The following BCAS3 variants were observed in gnomAD, a reference collection of about 807,000 sequenced individuals.
The protein encoded by BCAS3 is BCAS3 microtubule associated cell migration factor.
Under a neutral mutation model 116.1 loss-of-function variants are expected in BCAS3, and 53 were observed. That is an observed-to-expected ratio of 0.46 (90% CI 0.37 to 0.57). The LOEUF is 0.57. Ranked by LOEUF, BCAS3 falls within the 20% of genes least tolerant of loss-of-function variation. The pLI is 0.00. For synonymous variants in BCAS3, 391 were observed against 408.2 expected (o/e 0.96, Z 0.51); for missense variants, 917 against 1,165.4 (o/e 0.79, Z 3.10).
At chr17:61,173,170 C>G (rs1470924914) in intron 22 of BCAS3, among the ~76,000 whole-genome samples, 1 of 151,942 alleles carries the variant, frequency 6.6e-6, no homozygotes, top group Non-Finnish European at 1.5e-5. Flanking sequence ...TGTTTTGAGG[C>G]TGGGCACGGT....
chr17:61,040,076 T>G (rs1379902362), intron 18 of BCAS3, among the ~76,000 whole-genome samples: 1 of 152,226 alleles, frequency 6.6e-6, no homozygotes, highest in Non-Finnish European at 1.5e-5. Flanking sequence ...TTTAATATAG[T>G]TCATTGTCCA....
In BCAS3 at chr17:61,214,186, G is replaced by A. The variant is rs904817233; in HGVS notation, c.2425+129622G>A. Among the ~76,000 whole-genome samples the A allele has an allele frequency of 1.3e-5, 2 of 151,880 alleles. No homozygotes were observed. The highest frequency in any genetic ancestry group is 2.1e-4 in the South Asian group (1 of 4,816). ...TCAAGACCAGCCTGTCCAACATGGC[G>A]AAACCCCATCTCTATTAAAAAATAC... On this transcript the variant is annotated intron_variant, in intron 22 of 23. Transcript: ENST00000407086. This position sits in a 1 kb window ranked among gnomAD's most constrained non-coding sequence, Gnocchi z 4.4.
chr17:61,373,322 T>A (rs879454793), intron 23 of BCAS3, among the ~76,000 whole-genome samples: 4 of 152,136 alleles, frequency 2.6e-5, no homozygotes, highest in Non-Finnish European at 4.4e-5. Context: ...ACTCCTGGCC[T>A]GAAGTGATCT....
chr17:60,873,597 TA>T (rs1454066999), intron 8 of BCAS3, among the ~76,000 whole-genome samples: 3 of 152,164 alleles, frequency 2.0e-5, no homozygotes, highest in African/African-American at 7.2e-5. Context: ...AATTTTGCTT[TA>T]AAAAAGTGTT....
intron 22 of BCAS3, among the ~76,000 whole-genome samples, chr17:61,350,634 CTTT>C (rs35195040): frequency 0.11 from 15,167 of 140,406 alleles, 1,031 homozygotes; most frequent in African/African-American, 0.19. Flanking sequence ...ATTATTCAGT[CTTT>C]TTTTTTTTTT....
chr17:60,719,628 G>A (rs1410503037), intron 5 of BCAS3, among the ~76,000 whole-genome samples: 1 of 152,208 alleles, frequency 6.6e-6, no homozygotes, highest in African/African-American at 2.4e-5. Flanking sequence ...GCAGGATGAG[G>A]AGTTGAACTT....
rs1193673130 is a variant in BCAS3 at position 61,186,416 on chromosome 17, A to G, written c.2425+101852A>G. 2.0e-5 allele frequency among the ~76,000 whole-genome samples: 3 copies of G among 152,186 alleles called. No individual in the cohort carries two copies. The highest frequency in any genetic ancestry group is 4.4e-5 in the Non-Finnish European group (3 of 68,032). On this transcript the variant is annotated intron_variant, in intron 22 of 23. Coordinates refer to ENST00000407086, the MANE Select transcript of BCAS3 (RefSeq NM_017679.5). This position sits in a 1 kb window ranked among gnomAD's most constrained non-coding sequence, Gnocchi z 4.9. ...TGTGTTGATTTTATTACAATTATCT[A>G]TCCTTTTATCTTAGCTCTGTTTTCA...
At chr17:61,025,677 C>T (rs2066190975) in intron 16 of BCAS3, among the ~76,000 whole-genome samples, 1 of 152,034 alleles carries the variant, frequency 6.6e-6, no homozygotes, top group Admixed American at 6.6e-5. Context: ...TGAGAGAGAG[C>T]TATCCTTGCT....
intron 22 of BCAS3, among the ~76,000 whole-genome samples, chr17:61,212,976 T>C (rs560701377): frequency 6.6e-6 from 1 of 152,310 alleles, no homozygotes; most frequent in South Asian, 2.1e-4. Flanking sequence ...AATACCTTTT[T>C]CATTATATTG....
chr17:60,855,564 C>T (rs1261176134), intron 7 of BCAS3, among the ~76,000 whole-genome samples: 1 of 151,438 alleles, frequency 6.6e-6, no homozygotes, highest in Non-Finnish European at 1.5e-5. Context: ...ACGCCATTCT[C>T]CTGCCTCAGC....
intron 19 of BCAS3, among the ~76,000 whole-genome samples, chr17:61,061,121 G>A (rs59249958): frequency 0.15 from 22,235 of 152,118 alleles, 5,071 homozygotes; most frequent in African/African-American, 0.49. Context: ...GATCATTTAA[G>A]AAGATTTTAG....
Position 61,063,826 on chromosome 17 carries a change from T to C in BCAS3, c.2030-11094T>C, listed in dbSNP as rs1392782184. Among the ~76,000 whole-genome samples the C allele has an allele frequency of 1.3e-5, 2 of 152,212 alleles. No individual in the cohort carries two copies. Among genetic ancestry groups the C allele is most frequent in the African/African-American group, 4.8e-5 (2 of 41,448 alleles). Reference sequence around the variant, plus strand: ...TAAGGCACAAAGAAGATGAATTTTTTTCCTATCAAATTGATATGGATGGCC... The same window carrying C: ...TAAGGCACAAAGAAGATGAATTTTTCTCCTATCAAATTGATATGGATGGCC... On this transcript the variant is annotated intron_variant, in intron 19 of 23. Coordinates refer to ENST00000407086, the MANE Select transcript of BCAS3 (RefSeq NM_017679.5). This position sits in a 1 kb window ranked among gnomAD's most constrained non-coding sequence, Gnocchi z 5.3.
chr17:60,783,070 A>T (rs2045969007), intron 6 of BCAS3, among the ~76,000 whole-genome samples: 1 of 152,132 alleles, frequency 6.6e-6, no homozygotes, highest in Non-Finnish European at 1.5e-5. Flanking sequence ...TGATATGCTG[A>T]TACATGTCAT....
In BCAS3 at chr17:60,960,831, T is replaced by G. The variant is rs886868242; in HGVS notation, c.1221+13479T>G. On this transcript the variant is annotated intron_variant, in intron 14 of 23. Transcript: ENST00000407086. The surrounding 1 kb of genome is among the most constrained non-coding windows in gnomAD (Gnocchi z 4.1). Reference sequence around the variant, plus strand: ...TGTGCCTTTCAGTCCAAGATGGCGGTGTTTCTGCAGATACTACATTCTCAA... The same window carrying G: ...TGTGCCTTTCAGTCCAAGATGGCGGGGTTTCTGCAGATACTACATTCTCAA... Among the ~76,000 whole-genome samples, 1 of 151,708 alleles carries G rather than the reference T, an allele frequency of 6.6e-6. No homozygotes were observed. The highest frequency in any genetic ancestry group is 2.4e-5 in the African/African-American group (1 of 41,260).
At chr17:61,321,847 G>A (rs1259526395) in intron 22 of BCAS3, among the ~76,000 whole-genome samples, 3 of 152,084 alleles carry the variant, frequency 2.0e-5, no homozygotes, top group Non-Finnish European at 2.9e-5. Context: ...GTTTGAACTT[G>A]GGCAAGTTAT....
chr17:61,336,727 A>G (rs2056752653), intron 22 of BCAS3, among the ~76,000 whole-genome samples: 1 of 152,148 alleles, frequency 6.6e-6, no homozygotes, highest in African/African-American at 2.4e-5. Context: ...TGTTTGGGGA[A>G]AGCTAGATTT....
intron 4 of BCAS3, among the ~76,000 whole-genome samples, chr17:60,702,719 AACTG>A (rs1256874806): frequency 6.6e-6 from 1 of 152,054 alleles, no homozygotes; most frequent in Non-Finnish European, 1.5e-5. Flanking sequence ...CCTCCGAAGT[AACTG>A]GGACTGTAGG....
intron 5 of BCAS3, among the ~76,000 whole-genome samples, chr17:60,746,611 G>C (rs2042033874): frequency 6.6e-6 from 1 of 152,032 alleles, no homozygotes; most frequent in Admixed American, 6.6e-5. Flanking sequence ...TTTGTTCATA[G>C]AATATTGAAA....
intron 9 of BCAS3, among the ~76,000 whole-genome samples, chr17:60,878,474 G>A (rs978785022): frequency 6.6e-6 from 1 of 152,122 alleles, no homozygotes; most frequent in Non-Finnish European, 1.5e-5. Flanking sequence ...TGTTCAATAT[G>A]TGTACACTTT....
Sources: allele counts gnomAD v4.1 joint callset (sites outside exome capture counted in the v4.1 genomes callset), GRCh38; gene constraint gnomAD v4.1.1; non-coding constraint Gnocchi (gnomAD v3.1); transcripts MANE v1.5; gene names NCBI Gene and HGNC (gene_info 2026-07-23, HGNC 2026-07-21).